LRRIQ1: variants seen among roughly 807,000 people sequenced by gnomAD.
LRRIQ1 encodes leucine-rich repeat- and IQ domain-containing protein 1.
In LRRIQ1, 210 loss-of-function variants were observed where a neutral mutation model predicts 211.9. The ratio of observed to expected loss-of-function variants is 0.99; its 90% confidence interval spans 0.89 to 1.11. The LOEUF is 1.11. Ranked by LOEUF, LRRIQ1 falls within the 50% of genes most tolerant of loss-of-function variation. The pLI, the probability that LRRIQ1 is intolerant of heterozygous loss-of-function variation, is 0.00. For missense variants in LRRIQ1, 2,136 were observed against 1,939.5 expected (o/e 1.10, Z -1.90); for synonymous variants, 699 against 650.1 (o/e 1.08, Z -1.14).
chr12:85,227,055 G>A (rs554201067), intron 24 of LRRIQ1, among the ~76,000 whole-genome samples: 30 of 150,856 alleles, frequency 2.0e-4, no homozygotes, highest in African/African-American at 7.4e-4. Context: ...GTAATGGGAT[G>A]TCTGGGTCAA....
rs746597893 is a variant in LRRIQ1, at chr12:85,124,243, T to C, written c.3731T>C (p.Leu1244Pro). 2 of 1,614,114 alleles carry C rather than the reference T, an allele frequency of 1.2e-6. No homozygotes were observed. The highest frequency in any genetic ancestry group is 2.2e-5 in the South Asian group (2 of 91,076). The change falls in exon 17 of 27, where the codon CTG becomes CCG. Residue 1244 changes from leucine to proline, a missense_variant. Physicochemically the swap from Leu to Pro is moderately conservative, Grantham distance 98 (BLOSUM62 -3). Transcript: ENST00000393217. ...HLAPTNSDST[L>P]QNGVFYSCAR... ...GCCCCTACAAACAGTGACAGCACTC[T>C]GCAAAATGGAGTCTTCTACTCTTGT...
chr12:85,046,162 G>A (rs1307402832), intron 5 of LRRIQ1, 25 bp downstream of exon 5: 2 of 1,346,402 alleles, frequency 1.5e-6, no homozygotes, highest in Admixed American at 1.9e-5. Flanking sequence ...TCAATGATAT[G>A]TTTGTTGATT....
At chr12:85,162,757 C>G (rs748064501) in intron 24 of LRRIQ1, 1 of 455,752 alleles carries the variant, frequency 2.2e-6, no homozygotes, top group Non-Finnish European at 4.4e-6. Context: ...TTTTCTTTCC[C>G]CCAAGTGAAT....
downstream of LRRIQ1, among the ~76,000 whole-genome samples, chr12:85,249,035 A>C (rs1353653053): frequency 6.6e-6 from 1 of 151,864 alleles, no homozygotes; most frequent in Non-Finnish European, 1.5e-5. Context: ...TTAGAAAACT[A>C]AACTATTTGT....
intron 24 of LRRIQ1, among the ~76,000 whole-genome samples, chr12:85,213,701 T>C (rs939350223): frequency 6.6e-6 from 1 of 152,016 alleles, no homozygotes; most frequent in Admixed American, 6.6e-5. Flanking sequence ...AAAATCATTT[T>C]ATTGGAAGTT....
intron 23 of LRRIQ1, among the ~76,000 whole-genome samples, chr12:85,158,171 C>G (rs1320611008): frequency 2.6e-5 from 4 of 151,738 alleles, no homozygotes; most frequent in African/African-American, 9.7e-5. Context: ...CTGAAACACT[C>G]TTGACATCTC....
At chr12:85,238,381 A>T (rs967900414) in intron 26 of LRRIQ1, among the ~76,000 whole-genome samples, 1 of 152,088 alleles carries the variant, frequency 6.6e-6, no homozygotes, top group African/African-American at 2.4e-5. Context: ...GATGAGAAAT[A>T]CGAGAAAACA....
intron 1 of LRRIQ1, among the ~76,000 whole-genome samples, chr12:85,259,056 G>A (rs1195536926): frequency 6.6e-6 from 1 of 151,948 alleles, no homozygotes; most frequent in Non-Finnish European, 1.5e-5. Flanking sequence ...AGATTATGTA[G>A]CAAAGAAGTG....
chr12:85,257,198 A>AAT (rs1330578267), intron 1 of LRRIQ1, among the ~76,000 whole-genome samples: 1 of 1,464 alleles, frequency 6.8e-4, no homozygotes, highest in Non-Finnish European at 1.2e-3. Flanking sequence ...ATATTATATA[A>AAT]ATATATATAT....
chr12:85,187,072 T>G (rs1032323419), intron 24 of LRRIQ1, among the ~76,000 whole-genome samples: 2 of 152,132 alleles, frequency 1.3e-5, no homozygotes, highest in Non-Finnish European at 2.9e-5. Context: ...CAGAACATAC[T>G]ATAATTATTA....
chr12:85,256,224 T>C (rs1896086486), intron 1 of LRRIQ1, among the ~76,000 whole-genome samples: 1 of 151,720 alleles, frequency 6.6e-6, no homozygotes, highest in Admixed American at 6.6e-5. Context: ...CTACATTTAT[T>C]CTTTATTAAA....
At position 85,244,682 on chromosome 12, in the gene LRRIQ1, A is replaced by C. The variant is rs552795297; in HGVS notation, c.5017-107A>C. On this transcript the variant is annotated intron_variant, in intron 26 of 26. Transcript: ENST00000393217. ...AAGGATTGTGGTATCATTTTGAAGAAGGTTGTTTGACAGAGCCTGTTTGTT... is the reference window on the plus strand; with the variant it reads ...AAGGATTGTGGTATCATTTTGAAGACGGTTGTTTGACAGAGCCTGTTTGTT... 4 of 938,050 alleles carry C rather than the reference A, an allele frequency of 4.3e-6. No individual in the cohort carries two copies. In the African/African-American group the frequency reaches 5.0e-5, roughly 12 times the overall value. The allele number at this position is 938,050 out of a possible 1,614,324, so 58.1% of individuals were successfully genotyped here. A position where few individuals can be genotyped will look rare whatever the true frequency, so the allele number is the denominator to read the frequency against.
At chr12:85,259,097 G>C (rs1448873989) in intron 1 of LRRIQ1, among the ~76,000 whole-genome samples, 2 of 151,938 alleles carry the variant, frequency 1.3e-5, no homozygotes, top group African/African-American at 4.8e-5. Context: ...TAATCATCAA[G>C]ACATAGTTTC....
At chr12:85,095,034 T>C (rs1424008976) in intron 11 of LRRIQ1, among the ~76,000 whole-genome samples, 1 of 152,192 alleles carries the variant, frequency 6.6e-6, no homozygotes, top group Non-Finnish European at 1.5e-5. Context: ...TCTTTAGGAT[T>C]TTCTAGATGT....
intron 11 of LRRIQ1, among the ~76,000 whole-genome samples, chr12:85,087,711 T>C (rs1019338149): frequency 2.0e-5 from 3 of 152,230 alleles, no homozygotes; most frequent in Non-Finnish European, 4.4e-5. Context: ...TGAGCATTTT[T>C]TCATGTGTCT....
exon 2 of LRRIQ1, chr12:85,263,980 T>G (rs1305048173): frequency 6.6e-6 from 1 of 151,998 alleles, no homozygotes; most frequent in Non-Finnish European, 1.5e-5. Flanking sequence ...GTCTGGAACT[T>G]TTTTCATAAA....
At chr12:85,176,095 G>A (rs1004651972) in intron 24 of LRRIQ1, among the ~76,000 whole-genome samples, 2 of 152,016 alleles carry the variant, frequency 1.3e-5, no homozygotes, top group Non-Finnish European at 2.9e-5. Flanking sequence ...ATTACCTTGG[G>A]CAGTATGGCC....
chr12:85,051,366 C>T (rs1390099051), intron 6 of LRRIQ1, among the ~76,000 whole-genome samples: 1 of 152,110 alleles, frequency 6.6e-6, no homozygotes, highest in Non-Finnish European at 1.5e-5. Context: ...CTCAGGTGTT[C>T]CTTTACAGCA....
chr12:85,252,273 A>T (rs1192687475), intron 1 of LRRIQ1, among the ~76,000 whole-genome samples: 1 of 151,924 alleles, frequency 6.6e-6, no homozygotes, highest in Non-Finnish European at 1.5e-5. Context: ...AAAAGAAAAA[A>T]GGTAGTTTTC....
Sources: gnomAD v4.1 joint callset for allele counts (sites outside exome capture counted in the v4.1 genomes callset) on GRCh38, gnomAD v4.1.1 for gene constraint, MANE v1.5 for transcripts, NCBI Gene and HGNC (gene_info 2026-07-23, HGNC 2026-07-21) for gene names.